Variants in TP63 observed in about 807,000 individuals in gnomAD.
TP63 encodes tumor protein 63.
A neutral mutation model predicts 82.8 loss-of-function variants in TP63; 17 were observed. The observed-to-expected ratio is 0.21, with a 90% CI of 0.14 to 0.31. TP63 has a LOEUF of 0.31. TP63 is among the 10% of genes least tolerant of loss of function. The probability of loss-of-function intolerance (pLI) is 1.00; values close to 1 mark genes in which losing one functional copy is unlikely to be tolerated. For missense variants in TP63, 648 were observed against 895.3 expected (o/e 0.72, Z 3.52); for synonymous variants, 330 against 321.7 (o/e 1.03, Z -0.28).
the TP63 span, among the ~76,000 whole-genome samples, chr3:189,623,882 A>G: frequency 3.3e-5 from 5 of 152,166 alleles, no homozygotes; most frequent in Admixed American, 6.6e-5. Flanking sequence ...TTCAAAACCT[A>G]GAGTGTGCTA....
chr3:189,748,682 A>T (rs1721569779), intron 3 of TP63, among the ~76,000 whole-genome samples: 2 of 152,042 alleles, frequency 1.3e-5, no homozygotes, highest in African/African-American at 4.8e-5. Context: ...AGAAAAAAAA[A>T]ATCCTAAAAA....
At chr3:189,774,598 T>C (rs554370446) in intron 3 of TP63, among the ~76,000 whole-genome samples, 91 of 152,326 alleles carry the variant, frequency 6.0e-4, no homozygotes, top group African/African-American at 2.0e-3. Context: ...CTCATATTTT[T>C]CCCACTTTAT....
intron 10 of TP63, among the ~76,000 whole-genome samples, chr3:189,876,450 T>C (rs932859099): frequency 1.3e-5 from 2 of 152,172 alleles, no homozygotes; most frequent in Non-Finnish European, 2.9e-5. Context: ...ACACAAGATT[T>C]TAGGGACATA....
At chr3:189,889,534 T>C in intron 12 of TP63, 50 bp downstream of exon 12, 4 of 1,612,504 alleles carry the variant, frequency 2.5e-6, no homozygotes, top group Non-Finnish European at 3.4e-6. Context: ...CATCCCGGGA[T>C]GGTGGAGGGC....
the TP63 span, among the ~76,000 whole-genome samples, chr3:189,597,001 AGACCAC>A: frequency 6.6e-6 from 1 of 152,152 alleles, no homozygotes; most frequent in African/African-American, 2.4e-5. Context: ...TGAGCCAGCG[AGACCAC>A]GAACCCACCG....
intron 1 of TP63, among the ~76,000 whole-genome samples, chr3:189,638,817 G>T (rs959632531): frequency 1.3e-5 from 2 of 152,152 alleles, no homozygotes; most frequent in Non-Finnish European, 2.9e-5. Flanking sequence ...CCAAGGGAAT[G>T]AATGCAAGTT....
In TP63 at chr3:189,777,845, C is replaced by CTTTTTTTTTTTTTTTTTTTT. The variant is rs55731981; in HGVS notation, c.325-30418_325-30399dup. On this transcript the variant is annotated intron_variant, in intron 3 of 13. Transcript: ENST00000264731. ...GAGTCTTCTTCTTCTTCTTCTTCTT[C>CTTTTTTTTTTTTTTTTTTTT]TTTTTTTTTTTTTTTTTTTTTTTTT... Among the ~76,000 whole-genome samples the CTTTTTTTTTTTTTTTTTTTT allele has an allele frequency of 1.6e-4, 6 of 37,768 alleles. 1 individual carries two copies. Among genetic ancestry groups the CTTTTTTTTTTTTTTTTTTTT allele is most frequent in the African/African-American group, 3.5e-4 (3 of 8,514 alleles). The allele number at this position is 37,768 out of a possible 152,430, so 24.8% of individuals were successfully genotyped here. A position where few individuals can be genotyped will look rare whatever the true frequency, so the allele number is the denominator to read the frequency against.
At chr3:189,597,174 T>C in the TP63 span, among the ~76,000 whole-genome samples, 1 of 152,202 alleles carries the variant, frequency 6.6e-6, no homozygotes, top group Non-Finnish European at 1.5e-5. Flanking sequence ...ATCAGAGATT[T>C]TGAAAACTAT....
intron 1 of TP63, among the ~76,000 whole-genome samples, chr3:189,689,238 C>T (rs780254103): frequency 1.3e-5 from 2 of 150,480 alleles, no homozygotes; most frequent in Non-Finnish European, 3.0e-5. Flanking sequence ...GCCTCAGCCT[C>T]CTGAGTAGCT....
rs138416813 is a variant in TP63 at position 189,664,150 on chromosome 3, AT to A, written c.62+32574del. On this transcript the variant is annotated intron_variant, in intron 1 of 13. Coordinates refer to ENST00000264731, the MANE Select transcript of TP63 (RefSeq NM_003722.5). ...AAACTATATTTTTGTCATCTTTCCT[AT>A]CCCCCCAAGCCCTGCCTTTAAAGGG... is the stretch of plus-strand genomic sequence containing the variant. 8.2e-3 allele frequency among the ~76,000 whole-genome samples: 1,240 copies of A among 152,138 alleles called. 22 individuals are homozygous for A. The highest frequency in any genetic ancestry group is 0.028 in the African/African-American group (1,183 of 41,516).
At chr3:189,683,822 A>T (rs562636638) in intron 1 of TP63, among the ~76,000 whole-genome samples, 1 of 152,312 alleles carries the variant, frequency 6.6e-6, no homozygotes, top group Non-Finnish European at 1.5e-5. Flanking sequence ...GTCTTGCATG[A>T]CCTGGAATAA....
chr3:189,761,624 C>T (rs1267381249), intron 3 of TP63, among the ~76,000 whole-genome samples: 1 of 152,224 alleles, frequency 6.6e-6, no homozygotes, highest in Non-Finnish European at 1.5e-5. Context: ...GCCCTCCAAA[C>T]TGTTCAACCT....
At chr3:189,867,223 A>T (rs1042803969) in intron 6 of TP63, among the ~76,000 whole-genome samples, 1 of 152,208 alleles carries the variant, frequency 6.6e-6, no homozygotes, top group Non-Finnish European at 1.5e-5. Context: ...AATCTGTTGC[A>T]TGAAGCAGAG....
intron 1 of TP63, 82 bp downstream of exon 1, chr3:189,631,659 G>A (rs1418908029): frequency 6.2e-7 from 1 of 1,607,268 alleles, no homozygotes; most frequent in Non-Finnish European, 8.5e-7. Flanking sequence ...TGTGTACAAA[G>A]AACAATTCCT....
chr3:189,741,450 G>T (rs1182159503), intron 3 of TP63, among the ~76,000 whole-genome samples: 3 of 143,202 alleles, frequency 2.1e-5, no homozygotes, highest in Non-Finnish European at 4.6e-5. Flanking sequence ...GCTACAACGG[G>T]TGTGAGAGTC....
chr3:189,786,747 G>T (rs75393717), intron 3 of TP63, among the ~76,000 whole-genome samples: 223 of 152,126 alleles, frequency 1.5e-3, no homozygotes, highest in African/African-American at 5.1e-3. Context: ...AAAGGCAAGA[G>T]CTCTAAATAG....
At chr3:189,846,682 C>CT (rs1204688713) in intron 4 of TP63, among the ~76,000 whole-genome samples, 15,882 of 70,726 alleles carry the variant, frequency 0.22, 3,314 homozygotes, top group South Asian at 0.33. Context: ...TTTCCACATT[C>CT]TTTTTTTTTT....
intron 1 of TP63, among the ~76,000 whole-genome samples, chr3:189,736,462 C>T (rs4429607): frequency 0.31 from 47,369 of 151,902 alleles, 7,598 homozygotes; most frequent in African/African-American, 0.39. Flanking sequence ...TTTTCATCAG[C>T]AAAGGCTCTT....
rs561441681 is a variant in TP63 at position 189,842,544 on chromosome 3, T to A, written c.580-21688T>A. ...AATTTTGACTCTACAGATAATTGTG[T>A]CTTCCTGTATTGCTGAGGAATGTCC... On this transcript the variant is annotated intron_variant, in intron 4 of 13. Coordinates refer to ENST00000264731, the MANE Select transcript of TP63 (RefSeq NM_003722.5). 2.0e-5 allele frequency among the ~76,000 whole-genome samples: 3 copies of A among 152,324 alleles called. No homozygotes were observed. The South Asian group carries it at 6.2e-4, about 32-fold the overall frequency.
Sources: allele counts gnomAD v4.1 joint callset (sites outside exome capture counted in the v4.1 genomes callset), GRCh38; gene constraint gnomAD v4.1.1; transcripts MANE v1.5; gene names NCBI Gene and HGNC (gene_info 2026-07-23, HGNC 2026-07-21).